CFAP70: variants seen among roughly 807,000 people sequenced by gnomAD.
CFAP70 encodes cilia- and flagella-associated protein 70.
A neutral mutation model predicts 137.6 loss-of-function variants in CFAP70; 81 were observed. The observed-to-expected ratio is 0.59, with a 90% CI of 0.49 to 0.71. CFAP70 has a LOEUF of 0.71. Among genes scored for constraint, CFAP70 ranks in the 30% least tolerant of loss-of-function variants. The pLI is 0.00. For missense variants in CFAP70, 976 were observed against 1,226.7 expected (o/e 0.80, Z 3.05); for synonymous variants, 382 against 423.6 (o/e 0.90, Z 1.20).
chr10:73,273,864 G>C (rs2046495281), intron 23 of CFAP70, among the ~76,000 whole-genome samples: 1 of 152,162 alleles, frequency 6.6e-6, no homozygotes. Flanking sequence ...GTTGATAATT[G>C]TTATAGTGAG....
chr10:73,318,900 T>A (rs1282111198), intron 9 of CFAP70, among the ~76,000 whole-genome samples: 2 of 152,212 alleles, frequency 1.3e-5, no homozygotes, highest in Admixed American at 6.5e-5. Flanking sequence ...GACAATACAT[T>A]TTTTGCAAAA....
At chr10:73,281,388 C>A (rs1211319154) in intron 19 of CFAP70, among the ~76,000 whole-genome samples, 1 of 151,226 alleles carries the variant, frequency 6.6e-6, no homozygotes, top group Admixed American at 6.6e-5. Context: ...AGAGTTTTGC[C>A]ATTTTGTGCA....
At chr10:73,298,978 C>G (rs2048736044) in exon 14 of CFAP70, 1 of 1,613,940 alleles carries the variant, frequency 6.2e-7, no homozygotes, top group Non-Finnish European at 8.5e-7. Flanking sequence ...CACTTCTGCT[C>G]CTCCAAGGTT....
In CFAP70 at chr10:73,256,253, A is replaced by G. The variant is rs549938960; in HGVS notation, c.3075+116T>C. The stretch of plus-strand genomic sequence containing the variant: ...CCACGATAATGGCAAAGATGGTAAG[A>G]AAAGCCTCTAGAAAAATATTCACAT... On this transcript the variant is annotated intron_variant, in intron 26 of 26. Coordinates refer to ENST00000310715, the Ensembl canonical transcript of CFAP70. 4.0e-4 allele frequency: 477 copies of G among 1,201,790 alleles called. 2 individuals carry two copies. The highest frequency in any genetic ancestry group is 5.8e-4 in the Middle Eastern group (3 of 5,210). 74.4% of individuals were successfully genotyped at this position (1,201,790 alleles called of 1,614,324 possible).
At chr10:73,274,022 G>A (rs548872551) in intron 23 of CFAP70, among the ~76,000 whole-genome samples, 6 of 152,270 alleles carry the variant, frequency 3.9e-5, no homozygotes, top group African/African-American at 1.2e-4. Flanking sequence ...AGGTCAGAGC[G>A]CCCTATGGAA....
chr10:73,334,080 A>G (rs917068352), intron 7 of CFAP70, among the ~76,000 whole-genome samples: 1 of 152,184 alleles, frequency 6.6e-6, no homozygotes, highest in Non-Finnish European at 1.5e-5. Context: ...AAAAAAACAG[A>G]TATTCATTTT....
chr10:73,347,859 C>T (rs958484292), intron 4 of CFAP70, among the ~76,000 whole-genome samples: 6 of 152,170 alleles, frequency 3.9e-5, no homozygotes, highest in South Asian at 2.1e-4. Context: ...AGAGTTATTT[C>T]CATGGTTAAG....
chr10:73,339,224 A>G (rs2053007610), intron 6 of CFAP70, among the ~76,000 whole-genome samples: 2 of 147,492 alleles, frequency 1.4e-5, no homozygotes, highest in Admixed American at 6.7e-5. Context: ...AGCCGAGATG[A>G]CTACACTGAT....
intron 12 of CFAP70, among the ~76,000 whole-genome samples, chr10:73,302,666 C>A (rs1474405302): frequency 1.3e-5 from 2 of 152,050 alleles, no homozygotes; most frequent in Non-Finnish European, 2.9e-5. Flanking sequence ...AATTAAAAAA[C>A]AAGGTACTTC....
Position 73,283,465 on chromosome 10 carries a change from C to G in CFAP70, c.2240-5128G>C, listed in dbSNP as rs187206670. 4.6e-5 allele frequency among the ~76,000 whole-genome samples: 7 copies of G among 152,282 alleles called. No homozygotes were observed. The East Asian group carries it at 9.6e-4, about 21-fold the overall frequency. On this transcript the variant is annotated intron_variant, in intron 19 of 26. Coordinates refer to ENST00000310715, the Ensembl canonical transcript of CFAP70. The stretch of plus-strand genomic sequence containing the variant: ...ACTCTAAGTATGAATTTGTCTGCAT[C>G]TCCCTTCGGCCCTGTTAGTTTTTGC...
chr10:73,275,422 A>G lies in CFAP70; in HGVS notation c.2673+24T>C. 1 of 1,567,446 alleles carries G rather than the reference A, an allele frequency of 6.4e-7. No individual in the cohort carries two copies. Among genetic ancestry groups the G allele is most frequent in the Non-Finnish European group, 8.6e-7 (1 of 1,159,050 alleles). On this transcript the variant is annotated intron_variant, in intron 22 of 26. Transcript: ENST00000310715. This position sits in a 1 kb window ranked among gnomAD's most constrained non-coding sequence, Gnocchi z 4.0. ...AAATAAAGCCCCTTCTCCAGACTCA[A>G]GAGGCTTTAGCAAAAGTCATTACCA...
At chr10:73,290,723 A>G (rs765541635) in intron 19 of CFAP70, among the ~76,000 whole-genome samples, 13 of 152,174 alleles carry the variant, frequency 8.5e-5, no homozygotes, top group Admixed American at 1.3e-4. Context: ...TGAGAATCAT[A>G]AGAGAGGGAC....
intron 5 of CFAP70, among the ~76,000 whole-genome samples, chr10:73,341,906 T>C (rs1404040495): frequency 6.6e-6 from 1 of 152,258 alleles, no homozygotes; most frequent in Admixed American, 6.5e-5. Flanking sequence ...TCAGCATTCC[T>C]GATGCCTATA....
chr10:73,351,093 A>G (rs868250614), intron 3 of CFAP70, among the ~76,000 whole-genome samples: 2,711 of 106,596 alleles, frequency 0.025, 166 homozygotes, highest in African/African-American at 0.09. Context: ...ATATATATAT[A>G]TATATATATA....
intron 25 of CFAP70, among the ~76,000 whole-genome samples, chr10:73,257,607 A>G (rs2133520771): frequency 6.6e-6 from 1 of 152,234 alleles, no homozygotes; most frequent in African/African-American, 2.4e-5. Context: ...TGGTTCACAA[A>G]ACTTTCACAC....
chr10:73,303,697 A>T (rs1466806188), intron 12 of CFAP70, among the ~76,000 whole-genome samples: 2 of 152,230 alleles, frequency 1.3e-5, no homozygotes, highest in Non-Finnish European at 2.9e-5. Flanking sequence ...TACTTTATGT[A>T]CTATAAGTGG....
At chr10:73,304,847 TAA>T (rs755417161) in intron 12 of CFAP70, among the ~76,000 whole-genome samples, 36 of 138,448 alleles carry the variant, frequency 2.6e-4, no homozygotes, top group Admixed American at 1.4e-3. Flanking sequence ...CAGATAAACT[TAA>T]AAAAAAAAAA....
At chr10:73,295,498 G>T (rs1424493835) in intron 15 of CFAP70, 3 of 152,018 alleles carry the variant, frequency 2.0e-5, no homozygotes, top group African/African-American at 7.2e-5. Context: ...TTTCTTGATT[G>T]CTCATTTACT....
rs1391557236 is a variant in CFAP70 at position 73,292,022 on chromosome 10, T to C, written c.1771-8A>G. 6.2e-7 allele frequency: 1 copy of C among 1,613,756 alleles called. No individual in the cohort carries two copies. The highest frequency in any genetic ancestry group is 1.7e-5 in the Admixed American group (1 of 59,940). ...GGGCTCACGGACCAATCTCTAAGCA[T>C]CAGGAGAGCCAAGGTTATTGTGATA... On this transcript the variant is annotated splice_region_variant and splice_polypyrimidine_tract_variant and intron_variant, in intron 16 of 26. Coordinates refer to ENST00000310715, the Ensembl canonical transcript of CFAP70.
Sources: gnomAD v4.1 joint callset for allele counts (sites outside exome capture counted in the v4.1 genomes callset) on GRCh38, gnomAD v4.1.1 for gene constraint, Gnocchi (gnomAD v3.1) non-coding constraint, MANE v1.5 for transcripts, NCBI Gene and HGNC (gene_info 2026-07-23, HGNC 2026-07-21) for gene names.